The following HPSE2 variants were observed in gnomAD, a reference collection of about 807,000 sequenced individuals.
HPSE2 encodes the protein inactive heparanase-2.
In HPSE2, 38 loss-of-function variants were observed where a neutral mutation model predicts 60.5. That is an observed-to-expected ratio of 0.63 (90% CI 0.48 to 0.82). The LOEUF (loss-of-function observed/expected upper bound fraction) is 0.82. Ranked by LOEUF, HPSE2 falls within the 40% of genes least tolerant of loss-of-function variation. The pLI, the probability that HPSE2 is intolerant of heterozygous loss-of-function variation, is 0.00. For synonymous variants in HPSE2, 295 were observed against 293.2 expected (o/e 1.01, Z -0.06); for missense variants, 713 against 740.4 (o/e 0.96, Z 0.43).
chr10:98,925,977 A>G (rs971344937), intron 3 of HPSE2, among the ~76,000 whole-genome samples: 3 of 152,048 alleles, frequency 2.0e-5, no homozygotes, highest in African/African-American at 2.4e-5. Flanking sequence ...GTCTTCTTAC[A>G]TGTTTTTTAT....
At chr10:98,617,264 C>T (rs1480124444) in intron 8 of HPSE2, among the ~76,000 whole-genome samples, 1 of 152,124 alleles carries the variant, frequency 6.6e-6, no homozygotes, top group Non-Finnish European at 1.5e-5. Flanking sequence ...ATGCTAAATG[C>T]TAGGCATTGT....
intron 9 of HPSE2, among the ~76,000 whole-genome samples, chr10:98,539,706 A>G (rs917298680): frequency 2.0e-5 from 3 of 151,488 alleles, no homozygotes; most frequent in Non-Finnish European, 4.4e-5. Flanking sequence ...TCTCTGGCCT[A>G]TACTATCTTT....
intron 3 of HPSE2, among the ~76,000 whole-genome samples, chr10:99,066,778 C>T (rs192630987): frequency 6.6e-6 from 1 of 152,030 alleles, no homozygotes; most frequent in African/African-American, 2.4e-5. Context: ...CTCTGCCCCC[C>T]ACTCCCCCGC....
chr10:99,153,195 A>G (rs1307646481), intron 2 of HPSE2, among the ~76,000 whole-genome samples: 1 of 152,214 alleles, frequency 6.6e-6, no homozygotes, highest in African/African-American at 2.4e-5. Context: ...GCCATTGCCC[A>G]GGCTTGCTTA....
intron 3 of HPSE2, among the ~76,000 whole-genome samples, chr10:98,764,385 G>C (rs1163599348): frequency 1.3e-5 from 2 of 151,612 alleles, no homozygotes; most frequent in African/African-American, 4.8e-5. Flanking sequence ...GCAAATAAAA[G>C]ACAAAAAGAA....
intron 2 of HPSE2, among the ~76,000 whole-genome samples, chr10:99,226,507 G>C (rs966839572): frequency 6.6e-6 from 1 of 152,002 alleles, no homozygotes; most frequent in Non-Finnish European, 1.5e-5. Context: ...TTTGGGGAAA[G>C]AATATTACAT....
chr10:99,129,875 T>A (rs1008419242), intron 3 of HPSE2, among the ~76,000 whole-genome samples: 10 of 148,812 alleles, frequency 6.7e-5, no homozygotes, highest in African/African-American at 2.5e-4. Context: ...AATTGATACA[T>A]CATTAGTGAG....
chr10:98,582,830 C>T (rs1010125701), intron 9 of HPSE2, among the ~76,000 whole-genome samples: 2 of 152,096 alleles, frequency 1.3e-5, no homozygotes, highest in African/African-American at 4.8e-5. Context: ...GTAACCATCA[C>T]CATAATCAAT....
the HPSE2 span, among the ~76,000 whole-genome samples, chr10:99,252,879 A>T: frequency 2.5e-4 from 1 of 4,002 alleles, no homozygotes; most frequent in African/African-American, 2.9e-3. Context: ...TCCGTCTCAA[A>T]AAAAAAAAAA....
intron 3 of HPSE2, among the ~76,000 whole-genome samples, chr10:98,991,264 G>A (rs539102000): frequency 1.3e-5 from 2 of 152,276 alleles, no homozygotes; most frequent in Admixed American, 1.3e-4. Context: ...AAAGTGCTGA[G>A]GTCAGAGTGG....
At chr10:98,587,080 ATAT>A (rs747493930) in intron 9 of HPSE2, among the ~76,000 whole-genome samples, 2 of 152,202 alleles carry the variant, frequency 1.3e-5, no homozygotes, top group African/African-American at 4.8e-5. Context: ...ACCATAGCTT[ATAT>A]TATTATTATC....
intron 3 of HPSE2, among the ~76,000 whole-genome samples, chr10:98,916,302 G>A (rs1423919321): frequency 6.6e-6 from 1 of 152,208 alleles, no homozygotes; most frequent in Admixed American, 6.5e-5. Flanking sequence ...CACAGGGCAT[G>A]AAATACTGGT....
chr10:99,036,972 A>G, intron 3 of HPSE2, among the ~76,000 whole-genome samples: 1 of 152,156 alleles, frequency 6.6e-6, no homozygotes, highest in Non-Finnish European at 1.5e-5. Context: ...GCAGTAACTA[A>G]AAGAGCAAGA....
the HPSE2 span, among the ~76,000 whole-genome samples, chr10:99,306,023 T>G: frequency 2.2e-4 from 11 of 49,282 alleles, no homozygotes; most frequent in Admixed American, 3.5e-4. Flanking sequence ...ACCAGACTGC[T>G]GGGGAGTAGG....
intron 3 of HPSE2, among the ~76,000 whole-genome samples, chr10:99,005,531 T>C (rs577066724): frequency 2.6e-5 from 4 of 152,278 alleles, no homozygotes; most frequent in Admixed American, 6.5e-5. Context: ...CTCTGTTAAA[T>C]TCCTCACTTT....
At chr10:98,639,708 G>A (rs1439944348) in intron 7 of HPSE2, among the ~76,000 whole-genome samples, 5 of 152,184 alleles carry the variant, frequency 3.3e-5, no homozygotes, top group Non-Finnish European at 7.4e-5. Flanking sequence ...AGTGCGGGAC[G>A]GTAATGGGAA....
At position 98,498,929 on chromosome 10, in the gene HPSE2, T is replaced by G. The variant is rs569393107; in HGVS notation, c.1321-8733A>C. Among the ~76,000 whole-genome samples the G allele has an allele frequency of 2.5e-4, 38 of 152,242 alleles. No homozygotes were observed. In the South Asian group the frequency reaches 7.9e-3, roughly 32 times the overall value. ...AGATCTCAAGGATAAGGTCTTCAAA[T>G]TAACCCAATCCAACAAAGACAAAGA... On this transcript the variant is annotated intron_variant, in intron 9 of 11. Coordinates refer to ENST00000370552, the MANE Select transcript of HPSE2 (RefSeq NM_021828.5).
At chr10:99,102,407 A>G (rs1844040358) in intron 3 of HPSE2, among the ~76,000 whole-genome samples, 1 of 152,190 alleles carries the variant, frequency 6.6e-6, no homozygotes, top group African/African-American at 2.4e-5. Context: ...TCCTGGACAC[A>G]TACACCCTCC....
intron 3 of HPSE2, among the ~76,000 whole-genome samples, chr10:98,915,390 G>A (rs1954091998): frequency 6.6e-6 from 1 of 151,974 alleles, no homozygotes; most frequent in Admixed American, 6.6e-5. Context: ...CTCCTGATCT[G>A]CCTGCCTCTG....
Sources: allele counts gnomAD v4.1 joint callset (sites outside exome capture counted in the v4.1 genomes callset), GRCh38; gene constraint gnomAD v4.1.1; transcripts MANE v1.5; gene names NCBI Gene and HGNC (gene_info 2026-07-23, HGNC 2026-07-21).